The following HS6ST3 variants were observed in gnomAD, a reference collection of about 807,000 sequenced individuals.
HS6ST3 encodes the protein heparan sulfate 6-O-sulfotransferase 3.
Under a neutral mutation model 36.7 loss-of-function variants are expected in HS6ST3, and 12 were observed. That is an observed-to-expected ratio of 0.33 (90% CI 0.21 to 0.53). The LOEUF is 0.53. Ranked by LOEUF, HS6ST3 falls within the 20% of genes least tolerant of loss-of-function variation. HS6ST3 has a pLI of 0.95. For missense variants in HS6ST3, 584 were observed against 640.9 expected (o/e 0.91, Z 0.96); for synonymous variants, 240 against 257.5 (o/e 0.93, Z 0.65).
chr13:96,286,246 A>AT (rs928502480), intron 1 of HS6ST3, among the ~76,000 whole-genome samples: 28 of 151,994 alleles, frequency 1.8e-4, no homozygotes, highest in African/African-American at 6.3e-4. Context: ...CTTCTGCTTT[A>AT]TTTTAGCTTC....
rs1271703546 is a variant in HS6ST3 at position 96,399,175 on chromosome 13, C to A, written c.707+307606C>A. Among the ~76,000 whole-genome samples the A allele has an allele frequency of 2.6e-5, 4 of 152,204 alleles. No homozygotes were observed. In the East Asian group the frequency reaches 5.8e-4, roughly 22 times the overall value. Reference sequence around the variant, plus strand: ...TGAATACTTCTCTGATTTTGACCAACCTTTGCCAATTAGTATTACACATTA... The same window carrying A: ...TGAATACTTCTCTGATTTTGACCAAACTTTGCCAATTAGTATTACACATTA... On this transcript the variant is annotated intron_variant, in intron 1 of 1. Transcript: ENST00000376705.
chr13:96,259,993 A>T (rs1240260719), intron 1 of HS6ST3, among the ~76,000 whole-genome samples: 1 of 152,184 alleles, frequency 6.6e-6, no homozygotes, highest in Admixed American at 6.5e-5. Flanking sequence ...CACTTGAGTG[A>T]TGATTATATT....
intron 1 of HS6ST3, among the ~76,000 whole-genome samples, chr13:96,548,580 C>CT (rs149143843): frequency 0.013 from 2,007 of 152,288 alleles, 19 homozygotes; most frequent in Middle Eastern, 0.041. Flanking sequence ...AGGTATGAAT[C>CT]TATCTATCTA....
chr13:96,528,827 A>G (rs539444878), intron 1 of HS6ST3, among the ~76,000 whole-genome samples: 1 of 152,324 alleles, frequency 6.6e-6, no homozygotes, highest in Admixed American at 6.5e-5. Context: ...TTCAGTGAAA[A>G]TAACATATTA....
chr13:96,285,090 T>C (rs2054795422), intron 1 of HS6ST3, among the ~76,000 whole-genome samples: 1 of 152,096 alleles, frequency 6.6e-6, no homozygotes, highest in Non-Finnish European at 1.5e-5. Flanking sequence ...ACTTCATCGC[T>C]TCATGATCTT....
Position 96,337,119 on chromosome 13 carries a change from T to C in HS6ST3, c.707+245550T>C, listed in dbSNP as rs550643787. On this transcript the variant is annotated intron_variant, in intron 1 of 1. Transcript: ENST00000376705. ...TCTCACTCTGTTGCCCAGGCTGAAG[T>C]GCAGTGGCCAATCTCTGCTCACTGT... is the stretch of plus-strand genomic sequence containing the variant. Among the ~76,000 whole-genome samples, 3 of 152,296 alleles carry C rather than the reference T, an allele frequency of 2.0e-5. No individual in the cohort carries two copies. In the East Asian group the frequency reaches 5.8e-4, roughly 29 times the overall value.
At chr13:96,260,866 C>A (rs1002934203) in intron 1 of HS6ST3, among the ~76,000 whole-genome samples, 1 of 151,946 alleles carries the variant, frequency 6.6e-6, no homozygotes, top group Admixed American at 6.6e-5. Flanking sequence ...TCGCGAACTT[C>A]TGGCCTCAAG....
intron 1 of HS6ST3, among the ~76,000 whole-genome samples, chr13:96,191,717 C>G (rs899997774): frequency 2.0e-5 from 3 of 152,048 alleles, no homozygotes; most frequent in Middle Eastern, 3.2e-3. Flanking sequence ...TGCCCTAGTA[C>G]TAGTGGATGT....
chr13:96,573,804 G>A, intron 1 of HS6ST3: 1 of 380,858 alleles, frequency 2.6e-6, no homozygotes, highest in Non-Finnish European at 5.1e-6. Context: ...CAGCAGATAG[G>A]AGAGTGTGTT....
In HS6ST3 at chr13:96,641,495, A is replaced by G. The variant is rs184799066; in HGVS notation, c.708-190995A>G. 4.6e-5 allele frequency among the ~76,000 whole-genome samples: 7 copies of G among 151,876 alleles called. No individual in the cohort carries two copies. In the East Asian group the frequency reaches 9.7e-4, roughly 21 times the overall value. On this transcript the variant is annotated intron_variant, in intron 1 of 1. Coordinates refer to ENST00000376705, the MANE Select transcript of HS6ST3 (RefSeq NM_153456.4). ...GCCTCTTAATTGAAACATTCACTCC[A>G]TTTATATTTAAGGCAATTACTGATA... is the stretch of plus-strand genomic sequence containing the variant.
chr13:96,128,836 A>AC (rs1566888973), intron 1 of HS6ST3, among the ~76,000 whole-genome samples: 1 of 147,020 alleles, frequency 6.8e-6, no homozygotes, highest in Non-Finnish European at 1.5e-5. Flanking sequence ...TTATCAAAGT[A>AC]TTTTTTTTTC....
intron 1 of HS6ST3, among the ~76,000 whole-genome samples, chr13:96,541,524 A>C (rs2056177624): frequency 1.3e-5 from 2 of 152,202 alleles, no homozygotes. Flanking sequence ...GGCTTAACAC[A>C]TAAGGAGACC....
chr13:96,448,745 C>G (rs1284926240), intron 1 of HS6ST3, among the ~76,000 whole-genome samples: 1 of 152,028 alleles, frequency 6.6e-6, no homozygotes, highest in Non-Finnish European at 1.5e-5. Flanking sequence ...GTCTCTCTAA[C>G]AAAGTGTCCT....
intron 1 of HS6ST3, among the ~76,000 whole-genome samples, chr13:96,797,508 A>C (rs1877942933): frequency 6.6e-6 from 1 of 152,100 alleles, no homozygotes; most frequent in Admixed American, 6.6e-5. Context: ...AAATTCTAAA[A>C]AATCTTGAAG....
intron 1 of HS6ST3, among the ~76,000 whole-genome samples, chr13:96,124,483 A>G (rs1365829458): frequency 6.6e-6 from 1 of 152,146 alleles, no homozygotes; most frequent in Non-Finnish European, 1.5e-5. Context: ...TAAATGAAGG[A>G]AAAAAATAAG....
chr13:96,230,022 G>A (rs1305780639), intron 1 of HS6ST3, among the ~76,000 whole-genome samples: 1 of 152,216 alleles, frequency 6.6e-6, no homozygotes, highest in Non-Finnish European at 1.5e-5. Context: ...AGAATTGCAA[G>A]TAACTCAGGT....
In HS6ST3 at chr13:96,090,788, A is replaced by T; in HGVS notation, c.-75A>T. On this transcript the variant is annotated 5_prime_UTR_variant, in exon 1 of 2. Transcript: ENST00000376705. ...CCGAGCCGCGCCCCGGAGTCCGCGA[A>T]ACTTCCGAGCGGGCGCCCGTCCGCC... 7.8e-7 allele frequency: 1 copy of T among 1,279,846 alleles called. No individual in the cohort carries two copies. Among genetic ancestry groups the T allele is most frequent in the South Asian group, 1.8e-5 (1 of 54,968 alleles). 79.3% of individuals were successfully genotyped at this position (1,279,846 alleles called of 1,614,324 possible). A position where few individuals can be genotyped will look rare whatever the true frequency, so the allele number is the denominator to read the frequency against.
intron 1 of HS6ST3, among the ~76,000 whole-genome samples, chr13:96,217,826 A>T (rs530717972): frequency 6.6e-6 from 1 of 152,172 alleles, no homozygotes; most frequent in African/African-American, 2.4e-5. Context: ...ATATACATGT[A>T]TGTGTTTATG....
At chr13:96,177,770 A>G (rs1019772919) in intron 1 of HS6ST3, among the ~76,000 whole-genome samples, 8 of 79,996 alleles carry the variant, frequency 1.0e-4, no homozygotes, top group African/African-American at 3.6e-4. Context: ...AACCTAAAAT[A>G]AAAGTTAAAA....
Sources: allele counts gnomAD v4.1 joint callset (sites outside exome capture counted in the v4.1 genomes callset), GRCh38; gene constraint gnomAD v4.1.1; transcripts MANE v1.5; gene names NCBI Gene and HGNC (gene_info 2026-07-23, HGNC 2026-07-21).